ATP10A: variants seen among roughly 807,000 people sequenced by gnomAD.
The protein encoded by ATP10A is phospholipid-transporting ATPase VA.
Under a neutral mutation model 147.8 loss-of-function variants are expected in ATP10A, and 111 were observed. The observed-to-expected ratio is 0.75, with a 90% CI of 0.64 to 0.88. ATP10A has a LOEUF of 0.88. Among genes scored for constraint, ATP10A ranks in the 40% least tolerant of loss-of-function variants. The pLI, the probability that ATP10A is intolerant of heterozygous loss-of-function variation, is 0.00. For synonymous variants in ATP10A, 875 were observed against 841.6 expected (o/e 1.04, Z -0.69); for missense variants, 1,927 against 1,959.0 (o/e 0.98, Z 0.31).
downstream of ATP10A, among the ~76,000 whole-genome samples, chr15:25,676,725 ATATAAT>A (rs141807763): frequency 0.1 from 15,398 of 152,054 alleles, 975 homozygotes; most frequent in South Asian, 0.15. Flanking sequence ...TCTGATATTA[ATATAAT>A]TATGTCTCCT....
chr15:25,780,334 G>A (rs547231893), intron 2 of ATP10A, among the ~76,000 whole-genome samples: 12 of 152,376 alleles, frequency 7.9e-5, no homozygotes, highest in African/African-American at 2.9e-4. Flanking sequence ...GGGAGGAGAA[G>A]GCTCGGGCCA....
chr15:25,813,161 C>G (rs930819561), intron 1 of ATP10A, among the ~76,000 whole-genome samples: 12 of 152,060 alleles, frequency 7.9e-5, no homozygotes, highest in African/African-American at 2.9e-4. Flanking sequence ...GGAGACTTCC[C>G]CAAGTTCAGG....
At chr15:25,704,924 T>G (rs1369215931) in intron 12 of ATP10A, among the ~76,000 whole-genome samples, 3 of 152,158 alleles carry the variant, frequency 2.0e-5, no homozygotes, top group African/African-American at 7.2e-5. Context: ...TCACTGTGCT[T>G]GGTGCCACAC....
intron 1 of ATP10A, chr15:25,862,341 G>A (rs1159119268): frequency 3.4e-6 from 2 of 585,704 alleles, no homozygotes; most frequent in Admixed American, 4.3e-5. Flanking sequence ...GAGCGGCTGT[G>A]GATGAGGATG....
chr15:25,732,587 G>A (rs1171906335), intron 3 of ATP10A, among the ~76,000 whole-genome samples: 30 of 47,686 alleles, frequency 6.3e-4, no homozygotes, highest in Non-Finnish European at 1.1e-3. Context: ...ATGGAGTCTC[G>A]CTCTGTCACC....
intron 5 of ATP10A, among the ~76,000 whole-genome samples, chr15:25,725,443 C>T (rs1902485527): frequency 6.6e-6 from 1 of 152,098 alleles, no homozygotes; most frequent in Non-Finnish European, 1.5e-5. Flanking sequence ...CTGGAACCAA[C>T]CCCCCATGGA....
intron 3 of ATP10A, among the ~76,000 whole-genome samples, chr15:25,730,718 T>G (rs1202887166): frequency 6.6e-6 from 1 of 152,150 alleles, no homozygotes; most frequent in African/African-American, 2.4e-5. Flanking sequence ...CATTGGCAAA[T>G]CCTGGGCAGA....
intron 1 of ATP10A, among the ~76,000 whole-genome samples, chr15:25,815,254 A>G (rs1171757087): frequency 6.6e-6 from 1 of 152,226 alleles, no homozygotes; most frequent in Non-Finnish European, 1.5e-5. Flanking sequence ...TGATAAAGGG[A>G]GATCATCAGT....
At chr15:25,712,028 C>T (rs1470314324) in intron 10 of ATP10A, among the ~76,000 whole-genome samples, 1 of 152,206 alleles carries the variant, frequency 6.6e-6, no homozygotes, top group Non-Finnish European at 1.5e-5. Context: ...TGCTAGTGAA[C>T]AGGCAGGGGG....
At chr15:25,702,479 C>T (rs922088675) in intron 12 of ATP10A, among the ~76,000 whole-genome samples, 3 of 152,126 alleles carry the variant, frequency 2.0e-5, no homozygotes, top group Admixed American at 6.5e-5. Flanking sequence ...TGACGATATT[C>T]GGAGGGATAA....
intron 1 of ATP10A, among the ~76,000 whole-genome samples, chr15:25,851,457 G>A (rs935035773): frequency 4.0e-5 from 6 of 151,852 alleles, no homozygotes; most frequent in African/African-American, 1.2e-4. Flanking sequence ...TTCATTTTAT[G>A]TTTTCAAAAC....
intron 13 of ATP10A, among the ~76,000 whole-genome samples, chr15:25,696,352 G>C (rs1900337568): frequency 6.6e-6 from 1 of 152,238 alleles, no homozygotes. Context: ...TGTGGAGATG[G>C]ATAGGAGAGG....
At chr15:25,730,893 T>C (rs1261528212) in intron 3 of ATP10A, among the ~76,000 whole-genome samples, 2 of 152,238 alleles carry the variant, frequency 1.3e-5, no homozygotes, top group Non-Finnish European at 2.9e-5. Flanking sequence ...GATATAAATA[T>C]GTCAACTAAA....
At chr15:25,752,492 G>A (rs1888205960) in intron 2 of ATP10A, among the ~76,000 whole-genome samples, 1 of 152,200 alleles carries the variant, frequency 6.6e-6, no homozygotes, top group Admixed American at 6.5e-5. Flanking sequence ...GAGGCTGGGA[G>A]TTGGGAGAGA....
chr15:25,781,256 G>A lies in ATP10A; in HGVS notation c.450-33C>T, dbSNP rs780746159. On this transcript the variant is annotated intron_variant, in intron 1 of 20. Transcript: ENST00000555815. ...ACAGATTTTGATTAACAAAACTCAC[G>A]AGACATTGGTCGTGGCTGGATCTGG... 16 of 1,574,832 alleles carry A rather than the reference G, an allele frequency of 1.0e-5. No homozygotes were observed. In the Admixed American group the frequency reaches 2.0e-4, roughly 20 times the overall value.
chr15:25,708,162 T>G, intron 11 of ATP10A, 35 bp downstream of exon 11: 3 of 1,613,560 alleles, frequency 1.9e-6, no homozygotes, highest in Non-Finnish European at 2.5e-6. Context: ...GGCGGCCACC[T>G]GCACGTGCAC....
At chr15:25,675,364 G>A (rs770679824), downstream of ATP10A, among the ~76,000 whole-genome samples, 11 of 152,178 alleles carry the variant, frequency 7.2e-5, no homozygotes, top group African/African-American at 1.2e-4. Flanking sequence ...CAAGTAGTTC[G>A]AAAGTATTTT....
chr15:25,774,292 G>A (rs1889493559), intron 2 of ATP10A, among the ~76,000 whole-genome samples: 2 of 152,160 alleles, frequency 1.3e-5, no homozygotes, highest in South Asian at 4.1e-4. Context: ...TTAGATCAGA[G>A]GTTCGGGTGC....
chr15:25,768,743 G>A (rs549885449), intron 2 of ATP10A, among the ~76,000 whole-genome samples: 2 of 124,010 alleles, frequency 1.6e-5, no homozygotes, highest in East Asian at 4.6e-4. Flanking sequence ...TGCTCAGGTT[G>A]GTCTCAAACT....
Sources: allele counts gnomAD v4.1 joint callset (sites outside exome capture counted in the v4.1 genomes callset), GRCh38; gene constraint gnomAD v4.1.1; transcripts MANE v1.5; gene names NCBI Gene and HGNC (gene_info 2026-07-23, HGNC 2026-07-21).